The following KCNS3 variants were observed in gnomAD, a reference collection of about 807,000 sequenced individuals.
The protein encoded by KCNS3 is delayed-rectifier potassium channel regulatory subunit KCNS3.
In KCNS3, 13 loss-of-function variants were observed where a neutral mutation model predicts 31.0. The ratio of observed to expected loss-of-function variants is 0.42; its 90% CI spans 0.27 to 0.67. KCNS3 has a LOEUF of 0.67. Ranked by LOEUF, KCNS3 falls within the 30% of genes least tolerant of loss-of-function variation. The probability of loss-of-function intolerance (pLI) is 0.25; values close to 1 mark genes in which losing one functional copy is unlikely to be tolerated. For synonymous variants in KCNS3, 238 were observed against 241.5 expected, an observed-to-expected ratio of 0.99 and a Z score of 0.13; for missense variants, 545 against 622.4, an observed-to-expected ratio of 0.88 and a Z score of 1.32.
rs144722769 is a variant in KCNS3, at chr2:17,919,190, T to C, written c.-60+1319T>C. 4.6e-3 allele frequency among the ~76,000 whole-genome samples: 700 copies of C among 152,142 alleles called. 2 individuals carry two copies. The highest frequency in any genetic ancestry group is 0.016 in the African/African-American group (665 of 41,494). On this transcript the variant is annotated intron_variant, in intron 2 of 2. Coordinates refer to ENST00000304101, the MANE Select transcript of KCNS3 (RefSeq NM_002252.5). ...AGAGATCCCTGGAGTTTCCAGAGAG[T>C]AGCAGTCACACTAAATACAGATCCA...
At chr2:17,913,399 A>T (rs1391251931) in intron 1 of KCNS3, among the ~76,000 whole-genome samples, 1 of 152,292 alleles carries the variant, frequency 6.6e-6, no homozygotes, top group Non-Finnish European at 1.5e-5. Flanking sequence ...AGAAAGCTGC[A>T]GCAGGCTATA....
chr2:17,898,505 T>A (rs988965375), intron 1 of KCNS3, among the ~76,000 whole-genome samples: 1 of 152,142 alleles, frequency 6.6e-6, no homozygotes, highest in Non-Finnish European at 1.5e-5. Context: ...TTCAGGCTTC[T>A]CTTTGGTTCT....
At chr2:17,891,034 CT>C (rs1341650420) in intron 1 of KCNS3, among the ~76,000 whole-genome samples, 1 of 151,844 alleles carries the variant, frequency 6.6e-6, no homozygotes, top group Non-Finnish European at 1.5e-5. Flanking sequence ...TCGATGTCCC[CT>C]GATATTGTTG....
chr2:17,896,091 G>A (rs1662018301), intron 1 of KCNS3, among the ~76,000 whole-genome samples: 1 of 152,144 alleles, frequency 6.6e-6, no homozygotes, highest in South Asian at 2.1e-4. Flanking sequence ...GTTGCCCAGT[G>A]GAGTGCAGTG....
chr2:17,929,023 C>T (rs1163617567), intron 2 of KCNS3, among the ~76,000 whole-genome samples: 2 of 152,224 alleles, frequency 1.3e-5, no homozygotes, highest in Non-Finnish European at 2.9e-5. Context: ...GCAGCTTTCA[C>T]GCTGCTGTCA....
At chr2:17,906,358 T>G (rs1299865751) in intron 1 of KCNS3, among the ~76,000 whole-genome samples, 1 of 152,192 alleles carries the variant, frequency 6.6e-6, no homozygotes. Context: ...TCTTTTCTTC[T>G]TTATTAGTCT....
chr2:17,931,849 GAT>G lies in KCNS3; in HGVS notation c.844_845del (p.Ile282Ter). 1 of 1,614,162 alleles carries G rather than the reference GAT, an allele frequency of 6.2e-7. No homozygotes were observed. Among genetic ancestry groups the G allele is most frequent in the Non-Finnish European group, 8.5e-7 (1 of 1,180,028 alleles). On this transcript the variant is annotated frameshift_variant, in exon 3 of 3. Transcript: ENST00000304101. LOFTEE classifies it high-confidence loss of function. The surrounding 1 kb of genome is among the most constrained non-coding windows in gnomAD (Gnocchi z 5.4). ...AGACACCAAGGAGGAAGAGAGTGAG[GAT>G]ATTGAGAACATGGGCAAGGTGGTCC... The part of the protein sequence containing the change: ...AVDTKEEESE[D>X]IENMGKVVQI...
chr2:17,881,381 A>G lies in KCNS3; in HGVS notation c.-252+2575A>G, dbSNP rs545240092. On this transcript the variant is annotated intron_variant, in intron 1 of 2. Transcript: ENST00000304101. ...AGAAGAGAATAGGATGTGGGGACCCAGTTTCCAGCTGTGATATCTATTTCT... is the reference window on the plus strand; with the variant it reads ...AGAAGAGAATAGGATGTGGGGACCCGGTTTCCAGCTGTGATATCTATTTCT... Among the ~76,000 whole-genome samples, 7 of 152,318 alleles carry G rather than the reference A, an allele frequency of 4.6e-5. No homozygotes were observed. The South Asian group carries it at 1.5e-3, about 32-fold the overall frequency.
intron 2 of KCNS3, among the ~76,000 whole-genome samples, chr2:17,922,854 G>C (rs1324223527): frequency 6.6e-6 from 1 of 152,064 alleles, no homozygotes; most frequent in Non-Finnish European, 1.5e-5. Context: ...ATTCCTTGAT[G>C]GACATTTAGA....
intron 2 of KCNS3, among the ~76,000 whole-genome samples, 186 bp from the exon 3 acceptor site, chr2:17,930,764 T>C (rs1662942100): frequency 6.6e-6 from 1 of 152,212 alleles, no homozygotes; most frequent in South Asian, 2.1e-4. Flanking sequence ...AATCCTAAGT[T>C]TTTTTGGGAA....
At chr2:17,915,563 C>T (rs1332072685) in intron 1 of KCNS3, among the ~76,000 whole-genome samples, 1 of 152,072 alleles carries the variant, frequency 6.6e-6, no homozygotes, top group Non-Finnish European at 1.5e-5. Context: ...CTGTGGTGCA[C>T]CTTAGGTGTA....
In KCNS3 at chr2:17,884,264, AAAAAATATATATAT is replaced by A. The variant is rs1182152769; in HGVS notation, c.-252+5460_-252+5473del. Among the ~76,000 whole-genome samples the A allele has an allele frequency of 5.0e-3, 241 of 48,052 alleles. 4 individuals carry two copies. The highest frequency in any genetic ancestry group is 0.03 in the East Asian group (39 of 1,304). The allele number at this position is 48,052 out of a possible 152,430, so 31.5% of individuals were successfully genotyped here. A position where few individuals can be genotyped will look rare whatever the true frequency, so the allele number is the denominator to read the frequency against. ...AGAACTTAAAGTATAATTAAAAAAA[AAAAAATATATATAT>A]ATATATATATATATATATATATATA... On this transcript the variant is annotated intron_variant, in intron 1 of 2. Coordinates refer to ENST00000304101, the MANE Select transcript of KCNS3 (RefSeq NM_002252.5).
intron 2 of KCNS3, among the ~76,000 whole-genome samples, chr2:17,926,702 G>A (rs1662845732): frequency 6.6e-6 from 1 of 152,224 alleles, no homozygotes; most frequent in Non-Finnish European, 1.5e-5. Flanking sequence ...CATGTTGCAA[G>A]GCTGCACAGA....
At chr2:17,908,097 C>A (rs1662379975) in intron 1 of KCNS3, among the ~76,000 whole-genome samples, 1 of 152,310 alleles carries the variant, frequency 6.6e-6, no homozygotes, top group Non-Finnish European at 1.5e-5. Flanking sequence ...TTAGGTACAC[C>A]AATCAGACGT....
rs184865797 is a variant in KCNS3, at chr2:17,895,213, G to C, written c.-252+16407G>C. On this transcript the variant is annotated intron_variant, in intron 1 of 2. Coordinates refer to ENST00000304101, the MANE Select transcript of KCNS3 (RefSeq NM_002252.5). ...TATATCTTTTAAAAAGTTAAGTAAA[G>C]CTTTTTTTTTAACCTCATGAAGTAA... 2.4e-4 allele frequency among the ~76,000 whole-genome samples: 36 copies of C among 152,104 alleles called. No homozygotes were observed. The East Asian group carries it at 7.0e-3, about 29-fold the overall frequency.
chr2:17,886,818 AG>A (rs1661672755), intron 1 of KCNS3, among the ~76,000 whole-genome samples: 1 of 151,906 alleles, frequency 6.6e-6, no homozygotes, highest in African/African-American at 2.4e-5. Context: ...CAGTGTAAAA[AG>A]GTATCAGGGT....
At chr2:17,904,556 T>A (rs1190249502) in intron 1 of KCNS3, among the ~76,000 whole-genome samples, 5 of 152,106 alleles carry the variant, frequency 3.3e-5, no homozygotes, top group African/African-American at 7.2e-5. Context: ...CTGAATGGTA[T>A]TGCCTAGGTT....
chr2:17,918,385 C>T (rs952981816), intron 2 of KCNS3, among the ~76,000 whole-genome samples: 1 of 152,160 alleles, frequency 6.6e-6, no homozygotes, highest in African/African-American at 2.4e-5. Flanking sequence ...ATCAGGGTTT[C>T]CAGGTTCTCC....
chr2:17,878,486 G>A (rs1674557892), upstream of KCNS3, among the ~76,000 whole-genome samples: 1 of 151,652 alleles, frequency 6.6e-6, no homozygotes, highest in South Asian at 2.1e-4. Context: ...TCGGAGCCCC[G>A]CAGTCCTCAG....
Sources: allele counts gnomAD v4.1 joint callset (sites outside exome capture counted in the v4.1 genomes callset), GRCh38; gene constraint gnomAD v4.1.1; non-coding constraint Gnocchi (gnomAD v3.1); transcripts MANE v1.5; gene names NCBI Gene and HGNC (gene_info 2026-07-23, HGNC 2026-07-21).